The following HS3ST5 variants were observed in gnomAD, a reference collection of about 807,000 sequenced individuals.
HS3ST5 encodes heparan sulfate glucosamine 3-O-sulfotransferase 5.
A neutral mutation model predicts 25.4 loss-of-function variants in HS3ST5; 10 were observed. That is an observed-to-expected ratio of 0.39 (90% CI 0.24 to 0.67). HS3ST5 has a LOEUF of 0.67. HS3ST5 is among the 30% of genes least tolerant of loss of function. The pLI is 0.44. For missense variants in HS3ST5, 324 were observed against 420.7 expected (o/e 0.77, Z 2.01); for synonymous variants, 170 against 162.4 (o/e 1.05, Z -0.36).
At chr6:114,098,473 CAAAT>C (rs946335690) in intron 3 of HS3ST5, among the ~76,000 whole-genome samples, 2 of 148,682 alleles carry the variant, frequency 1.3e-5, no homozygotes, top group Non-Finnish European at 3.0e-5. Flanking sequence ...TGGCCACTCT[CAAAT>C]TATTTTTCCT....
chr6:114,202,890 A>G (rs1274941001), intron 2 of HS3ST5, among the ~76,000 whole-genome samples: 1 of 152,214 alleles, frequency 6.6e-6, no homozygotes, highest in African/African-American at 2.4e-5. Flanking sequence ...TTCCCTTCTG[A>G]CAAAATGGTG....
intron 2 of HS3ST5, among the ~76,000 whole-genome samples, chr6:114,201,629 C>G (rs1024509796): frequency 6.6e-6 from 1 of 152,100 alleles, no homozygotes; most frequent in African/African-American, 2.4e-5. Context: ...AAGACTTTGC[C>G]TAAACGTCAG....
At chr6:114,112,050 T>C (rs1049678447) in intron 3 of HS3ST5, among the ~76,000 whole-genome samples, 1 of 152,156 alleles carries the variant, frequency 6.6e-6, no homozygotes, top group Non-Finnish European at 1.5e-5. Context: ...TTATCCCTCA[T>C]AAACACTGTC....
intron 1 of HS3ST5, among the ~76,000 whole-genome samples, chr6:114,260,296 G>A (rs6901267): frequency 0.17 from 25,180 of 151,894 alleles, 2,121 homozygotes; most frequent in East Asian, 0.27. Flanking sequence ...TGGATTTTTT[G>A]AAACTAATTT....
chr6:114,161,008 G>A (rs1778919426), intron 3 of HS3ST5, among the ~76,000 whole-genome samples: 1 of 152,152 alleles, frequency 6.6e-6, no homozygotes, highest in South Asian at 2.1e-4. Context: ...ACACCTGGGT[G>A]GGTAGGCAAT....
chr6:114,112,734 A>G (rs751356124), intron 3 of HS3ST5, among the ~76,000 whole-genome samples: 9 of 152,096 alleles, frequency 5.9e-5, no homozygotes, highest in Non-Finnish European at 1.0e-4. Flanking sequence ...CAAGATAATT[A>G]TTTTACAACT....
At chr6:114,237,020 A>G (rs1771888908) in intron 1 of HS3ST5, among the ~76,000 whole-genome samples, 1 of 152,262 alleles carries the variant, frequency 6.6e-6, no homozygotes, top group Admixed American at 6.5e-5. Flanking sequence ...TGATGACTTT[A>G]AAAATGAGTC....
intron 3 of HS3ST5, among the ~76,000 whole-genome samples, chr6:114,064,482 T>A (rs1460863397): frequency 6.6e-6 from 1 of 152,128 alleles, no homozygotes; most frequent in East Asian, 1.9e-4. Flanking sequence ...ATGGTAAAAT[T>A]TTTTTGTGTG....
chr6:114,086,415 A>G (rs1372570070), intron 3 of HS3ST5, among the ~76,000 whole-genome samples: 1 of 152,206 alleles, frequency 6.6e-6, no homozygotes, highest in Non-Finnish European at 1.5e-5. Flanking sequence ...CCCCTAGTCA[A>G]TAGCCAGCAA....
intron 3 of HS3ST5, among the ~76,000 whole-genome samples, chr6:114,117,663 A>G (rs1172342221): frequency 6.6e-6 from 1 of 152,174 alleles, no homozygotes; most frequent in African/African-American, 2.4e-5. Flanking sequence ...AAAAAGACCA[A>G]TTTGAATTTT....
chr6:114,138,265 G>A lies in HS3ST5; in HGVS notation c.-33+30086C>T, dbSNP rs148091882. The stretch of plus-strand genomic sequence containing the variant: ...CTGATCTCATAAAGTGATGGATATT[G>A]CCTTCATCTGTTGACTTGAAAAAAT... On this transcript the variant is annotated intron_variant, in intron 3 of 4. Coordinates refer to ENST00000312719, the MANE Select transcript of HS3ST5 (RefSeq NM_153612.4). Among the ~76,000 whole-genome samples, 1,004 of 152,252 alleles carry A rather than the reference G, an allele frequency of 6.6e-3. 12 individuals are homozygous for A. Among genetic ancestry groups the A allele is most frequent in the African/African-American group, 0.023 (955 of 41,554 alleles).
chr6:114,282,411 C>T (rs775709038), intron 1 of HS3ST5, among the ~76,000 whole-genome samples: 2 of 151,924 alleles, frequency 1.3e-5, no homozygotes, highest in South Asian at 2.1e-4. Context: ...AATTGGAGAA[C>T]GCCAAAATAA....
At chr6:114,233,030 T>G (rs1407483030) in intron 1 of HS3ST5, among the ~76,000 whole-genome samples, 1 of 151,536 alleles carries the variant, frequency 6.6e-6, no homozygotes, top group Non-Finnish European at 1.5e-5. Context: ...TCTAACTCTC[T>G]AGCCTCATCT....
At chr6:114,297,511 C>T (rs1451668041) in intron 1 of HS3ST5, among the ~76,000 whole-genome samples, 2 of 152,152 alleles carry the variant, frequency 1.3e-5, no homozygotes, top group African/African-American at 4.8e-5. Flanking sequence ...TCTTTCCAGA[C>T]TTTTTTCATT....
intron 1 of HS3ST5, among the ~76,000 whole-genome samples, chr6:114,277,427 CTTTTAATGGCAAA>C (rs1332534806): frequency 2.9e-5 from 4 of 139,170 alleles, no homozygotes; most frequent in African/African-American, 1.0e-4. Flanking sequence ...TTTGACATTA[CTTTTAATGGCAAA>C]AACCGCAATT....
At chr6:114,203,900 A>C (rs770569962) in intron 2 of HS3ST5, among the ~76,000 whole-genome samples, 4 of 152,212 alleles carry the variant, frequency 2.6e-5, no homozygotes, top group African/African-American at 4.8e-5. Flanking sequence ...TTTTCTGTGC[A>C]GCAGGCAAGA....
intron 1 of HS3ST5, among the ~76,000 whole-genome samples, chr6:114,295,109 C>G (rs1262051160): frequency 6.6e-6 from 1 of 152,128 alleles, no homozygotes; most frequent in Non-Finnish European, 1.5e-5. Context: ...AGATTTTATT[C>G]TGAGAGAGTG....
At chr6:114,090,998 A>G (rs887531765) in intron 3 of HS3ST5, among the ~76,000 whole-genome samples, 16 of 152,210 alleles carry the variant, frequency 1.1e-4, no homozygotes, top group African/African-American at 3.9e-4. Context: ...TTTAGGGAAA[A>G]AAGTGACAAA....
chr6:114,282,552 G>A (rs1774162601), intron 1 of HS3ST5, among the ~76,000 whole-genome samples: 1 of 151,990 alleles, frequency 6.6e-6, no homozygotes, highest in South Asian at 2.1e-4. Flanking sequence ...TAATTACGGT[G>A]ACTTTTCCTC....
Sources: allele counts gnomAD v4.1 joint callset (sites outside exome capture counted in the v4.1 genomes callset), GRCh38; gene constraint gnomAD v4.1.1; transcripts MANE v1.5; gene names NCBI Gene and HGNC (gene_info 2026-07-23, HGNC 2026-07-21).